The following ACTL8 variants were observed in gnomAD, a reference collection of about 807,000 sequenced individuals.
ACTL8 encodes actin like 8.
A neutral mutation model predicts 9.3 loss-of-function variants in ACTL8; 3 were observed. That is an observed-to-expected ratio of 0.32 (90% confidence interval 0.15 to 0.83). The LOEUF (loss-of-function observed/expected upper bound fraction) is 0.83, where lower values mean the gene tolerates loss of function less well. ACTL8 is among the 40% of genes least tolerant of loss of function. The pLI is 0.57. For missense variants in ACTL8, 381 were observed against 492.2 expected (o/e 0.77, Z 2.14); for synonymous variants, 224 against 205.9 (o/e 1.09, Z -0.75).
At chr1:17,757,914 TTAA>T (rs1288062339) in intron 1 of ACTL8, among the ~76,000 whole-genome samples, 1 of 152,126 alleles carries the variant, frequency 6.6e-6, no homozygotes, top group Non-Finnish European at 1.5e-5. Context: ...TAACCTGCAG[TTAA>T]TGAGGGTTGT....
intron 1 of ACTL8, among the ~76,000 whole-genome samples, chr1:17,774,871 A>G (rs1164855248): frequency 6.6e-6 from 1 of 152,176 alleles, no homozygotes; most frequent in Admixed American, 6.5e-5. Flanking sequence ...TACGTCTCCC[A>G]GGAGATGATG....
chr1:17,815,987 A>G (rs114551518), intron 1 of ACTL8, among the ~76,000 whole-genome samples: 454 of 152,272 alleles, frequency 3.0e-3, no homozygotes, highest in African/African-American at 0.01. Flanking sequence ...AGAATTTACA[A>G]TTGTATAAAT....
intron 1 of ACTL8, among the ~76,000 whole-genome samples, chr1:17,762,949 A>AG (rs2066017851): frequency 6.6e-6 from 1 of 151,994 alleles, no homozygotes; most frequent in Non-Finnish European, 1.5e-5. Context: ...TGTGTGAGAG[A>AG]GGGGGACCCC....
chr1:17,788,777 C>T (rs1302804997), intron 1 of ACTL8, among the ~76,000 whole-genome samples: 2 of 152,174 alleles, frequency 1.3e-5, no homozygotes, highest in African/African-American at 4.8e-5. Flanking sequence ...CCAGTGCAAA[C>T]CAGAAAGGAA....
chr1:17,759,439 A>T (rs2065987976), intron 1 of ACTL8, among the ~76,000 whole-genome samples: 1 of 152,214 alleles, frequency 6.6e-6, no homozygotes, highest in Admixed American at 6.5e-5. Context: ...CTCTGGTGAG[A>T]CACCTCCTGT....
rs2053657629 is a variant in ACTL8, at chr1:17,821,210, A to G, written c.-24-1775A>G. On this transcript the variant is annotated intron_variant, in intron 1 of 2. Coordinates refer to ENST00000375406, the MANE Select transcript of ACTL8 (RefSeq NM_030812.3). ...ATATGATTTGTAAGTATTTTCTCCC[A>G]GTCTATGGCTTGTCTTTTCATTCTC... 2.0e-5 allele frequency among the ~76,000 whole-genome samples: 3 copies of G among 152,236 alleles called. No individual in the cohort carries two copies. The East Asian group carries it at 5.8e-4, about 29-fold the overall frequency.
intron 1 of ACTL8, among the ~76,000 whole-genome samples, chr1:17,759,667 G>A (rs1300454248): frequency 6.6e-6 from 1 of 152,196 alleles, no homozygotes; most frequent in Non-Finnish European, 1.5e-5. Flanking sequence ...TGGGCACTCT[G>A]TCAGCTCAGG....
chr1:17,762,488 G>A (rs1249718576), intron 1 of ACTL8, among the ~76,000 whole-genome samples: 3 of 152,108 alleles, frequency 2.0e-5, no homozygotes, highest in East Asian at 1.9e-4. Context: ...CACCTGGGCC[G>A]GGAGCCATCC....
At chr1:17,812,739 C>T (rs1011346857) in intron 1 of ACTL8, among the ~76,000 whole-genome samples, 6 of 151,666 alleles carry the variant, frequency 4.0e-5, no homozygotes, top group Admixed American at 6.6e-5. Context: ...GCAACCCACC[C>T]GCCTCAGCCT....
chr1:17,755,556 G>GT (rs1367553131), intron 1 of ACTL8, 52 bp downstream of exon 1: 7,015 of 130,076 alleles, frequency 0.054, 543 homozygotes, highest in African/African-American at 0.17. Context: ...GCCCCTGACT[G>GT]TTTTTTTTTT....
At chr1:17,814,024 A>G (rs2066409034) in intron 1 of ACTL8, among the ~76,000 whole-genome samples, 1 of 152,268 alleles carries the variant, frequency 6.6e-6, no homozygotes, top group African/African-American at 2.4e-5. Context: ...GATCTTTTCA[A>G]AGAACTAGCT....
chr1:17,802,415 C>CCGTGCGTGTGTGTGTGTG lies in ACTL8; in HGVS notation c.-24-20570_-24-20569insCGTGCGTGTGTGTGTGTG, dbSNP rs1203599989. Among the ~76,000 whole-genome samples, 534 of 136,532 alleles carry CCGTGCGTGTGTGTGTGTG rather than the reference C, an allele frequency of 3.9e-3. 5 individuals carry two copies. The highest frequency in any genetic ancestry group is 0.015 in the African/African-American group (521 of 33,938). The allele number at this position is 136,532 out of a possible 152,430, so 89.6% of individuals were successfully genotyped here. A position where few individuals can be genotyped will look rare whatever the true frequency, so the allele number is the denominator to read the frequency against. On this transcript the variant is annotated intron_variant, in intron 1 of 2. Coordinates refer to ENST00000375406, the MANE Select transcript of ACTL8 (RefSeq NM_030812.3). ...GCACTGAACAGCAGATCCCGGATGA[C>CCGTGCGTGTGTGTGTGTG]TGTGCGTGCGTGTGTGTGTGTGTGT...
Position 17,823,292 on chromosome 1 carries a change from TC to T in ACTL8, c.290del (p.Pro97LeufsTer2), listed in dbSNP as rs1557449414. The T allele has an allele frequency of 6.2e-7, 1 of 1,613,218 alleles. No individual in the cohort carries two copies. On this transcript the variant is annotated frameshift_variant, in exon 2 of 3. Transcript: ENST00000375406. LOFTEE classifies it high-confidence loss of function. This position sits in a 1 kb window ranked among gnomAD's most constrained non-coding sequence, Gnocchi z 5.3. ...GAGAACCACAGACGGGAGCAAGAGG[TC>T]CCCCCTGTGATCATCACGGAGACAC... The part of the protein sequence containing the change: ...VLENHRREQE[V>X]PPVIITETPL...
rs188538335 is a variant in ACTL8, at chr1:17,797,338, C to G, written c.-24-25647C>G. Among the ~76,000 whole-genome samples, 58 of 152,318 alleles carry G rather than the reference C, an allele frequency of 3.8e-4. 1 individual carries two copies. Among genetic ancestry groups the G allele is most frequent in the African/African-American group, 1.3e-3 (56 of 41,584 alleles). On this transcript the variant is annotated intron_variant, in intron 1 of 2. Coordinates refer to ENST00000375406, the MANE Select transcript of ACTL8 (RefSeq NM_030812.3). ...CTATTAGTCATAATTTAGGACCTCTCTGTCCCTCCTATGAGACCACGTATG... is the reference window on the plus strand; with the variant it reads ...CTATTAGTCATAATTTAGGACCTCTGTGTCCCTCCTATGAGACCACGTATG...
intron 1 of ACTL8, among the ~76,000 whole-genome samples, chr1:17,807,235 T>G (rs1299049692): frequency 6.6e-6 from 1 of 152,240 alleles, no homozygotes; most frequent in African/African-American, 2.4e-5. Context: ...GGTCTTGTAA[T>G]CTGACATAGT....
chr1:17,781,677 G>C (rs1377120634), intron 1 of ACTL8, among the ~76,000 whole-genome samples: 2 of 152,170 alleles, frequency 1.3e-5, no homozygotes, highest in Non-Finnish European at 1.5e-5. Context: ...TCCTGGGGTA[G>C]ACATGAATTT....
At chr1:17,777,810 T>C (rs2066127804) in intron 1 of ACTL8, among the ~76,000 whole-genome samples, 1 of 152,188 alleles carries the variant, frequency 6.6e-6, no homozygotes, top group Admixed American at 6.5e-5. Context: ...GCGATTCTTC[T>C]GCCTCAGCCT....
At chr1:17,812,421 T>C (rs1286249095) in intron 1 of ACTL8, among the ~76,000 whole-genome samples, 1 of 149,632 alleles carries the variant, frequency 6.7e-6, no homozygotes, top group African/African-American at 2.5e-5. Context: ...ATATCTATTT[T>C]TTTTCCTTTT....
At chr1:17,777,372 G>GA (rs1021143203) in intron 1 of ACTL8, among the ~76,000 whole-genome samples, 1 of 152,120 alleles carries the variant, frequency 6.6e-6, no homozygotes, top group Non-Finnish European at 1.5e-5. Flanking sequence ...CAGCGCCCCT[G>GA]AAATCCTTCA....
Sources: allele counts gnomAD v4.1 joint callset (sites outside exome capture counted in the v4.1 genomes callset), GRCh38; gene constraint gnomAD v4.1.1; non-coding constraint Gnocchi (gnomAD v3.1); transcripts MANE v1.5; gene names NCBI Gene and HGNC (gene_info 2026-07-23, HGNC 2026-07-21).